Variants in EPHA6 observed in about 807,000 individuals in gnomAD.
The protein encoded by EPHA6 is EPH receptor A6.
A neutral mutation model predicts 112.0 loss-of-function variants in EPHA6; 50 were observed. The ratio of observed to expected loss-of-function variants is 0.45; its 90% CI spans 0.36 to 0.56. EPHA6 has a LOEUF of 0.56. EPHA6 is among the 20% of genes least tolerant of loss of function. The pLI is 0.00. For synonymous variants in EPHA6, 529 were observed against 490.7 expected (o/e 1.08, Z -1.03); for missense variants, 1,280 against 1,417.4 (o/e 0.90, Z 1.56).
chr3:97,099,802 T>C (rs2047350771), intron 3 of EPHA6, among the ~76,000 whole-genome samples: 1 of 151,976 alleles, frequency 6.6e-6, no homozygotes, highest in Non-Finnish European at 1.5e-5. Context: ...GTAACCTAGA[T>C]CCTGAATGAT....
intron 3 of EPHA6, among the ~76,000 whole-genome samples, chr3:97,143,502 G>T (rs2075962064): frequency 6.6e-6 from 1 of 151,764 alleles, no homozygotes; most frequent in African/African-American, 2.4e-5. Flanking sequence ...TCCAGCAAAA[G>T]TAGGAGGTTT....
chr3:97,214,046 A>G (rs1008049262), intron 3 of EPHA6, among the ~76,000 whole-genome samples: 1 of 139,384 alleles, frequency 7.2e-6, no homozygotes, highest in African/African-American at 3.1e-5. Context: ...TGTGAGAGAG[A>G]GAGAGAGAGG....
intron 5 of EPHA6, among the ~76,000 whole-genome samples, chr3:97,362,822 G>A (rs1380234795): frequency 2.0e-5 from 3 of 151,790 alleles, no homozygotes; most frequent in Admixed American, 2.0e-4. Flanking sequence ...CTGTGAAAGT[G>A]TTTATGGTCC....
intron 7 of EPHA6, among the ~76,000 whole-genome samples, chr3:97,459,464 G>A (rs554438280): frequency 6.6e-6 from 1 of 152,288 alleles, no homozygotes; most frequent in East Asian, 1.9e-4. Flanking sequence ...GGAATGGTGG[G>A]GATGATGATC....
At chr3:97,364,228 G>T (rs1461240899) in intron 5 of EPHA6, among the ~76,000 whole-genome samples, 1 of 151,938 alleles carries the variant, frequency 6.6e-6, no homozygotes, top group Non-Finnish European at 1.5e-5. Context: ...GAAAAATTAC[G>T]AGGACACAGA....
chr3:97,353,234 G>C (rs1364449953), intron 5 of EPHA6, among the ~76,000 whole-genome samples: 2 of 151,722 alleles, frequency 1.3e-5, no homozygotes, highest in African/African-American at 4.8e-5. Flanking sequence ...TGGGGCCATG[G>C]GAAGAGATTT....
intron 3 of EPHA6, among the ~76,000 whole-genome samples, chr3:97,145,751 A>G (rs1486002626): frequency 6.6e-6 from 1 of 151,634 alleles, no homozygotes; most frequent in Non-Finnish European, 1.5e-5. Flanking sequence ...AAGTTTTTTT[A>G]CTAGCTAAAA....
chr3:96,871,227 T>A (rs2107472346), intron 2 of EPHA6, among the ~76,000 whole-genome samples: 1 of 152,154 alleles, frequency 6.6e-6, no homozygotes, highest in Non-Finnish European at 1.5e-5. Flanking sequence ...AATATCCATG[T>A]TTGTAAGACA....
At chr3:97,226,143 T>C in intron 3 of EPHA6, 121 bp from the exon 4 acceptor site, 1 of 684,264 alleles carries the variant, frequency 1.5e-6, no homozygotes, top group Non-Finnish European at 2.3e-6. Flanking sequence ...GTCTTCTCTA[T>C]GTATGTGTAA....
chr3:97,449,084 G>C (rs751384302), intron 7 of EPHA6, among the ~76,000 whole-genome samples: 2 of 152,228 alleles, frequency 1.3e-5, no homozygotes, highest in Admixed American at 6.5e-5. Flanking sequence ...ATTCAGAATT[G>C]TGCAGCTTTG....
intron 3 of EPHA6, among the ~76,000 whole-genome samples, chr3:97,060,756 A>C (rs897275931): frequency 6.8e-6 from 1 of 147,326 alleles, no homozygotes; most frequent in East Asian, 2.0e-4. Context: ...CTAAAAATAC[A>C]AAAAAAAAAT....
At chr3:97,315,225 G>A (rs925779051) in intron 5 of EPHA6, among the ~76,000 whole-genome samples, 1 of 151,564 alleles carries the variant, frequency 6.6e-6, no homozygotes, top group Non-Finnish European at 1.5e-5. Context: ...CTGACACCTA[G>A]ATATAGCACA....
intron 7 of EPHA6, among the ~76,000 whole-genome samples, chr3:97,457,723 T>C (rs537611941): frequency 6.6e-6 from 1 of 152,120 alleles, no homozygotes; most frequent in East Asian, 1.9e-4. Flanking sequence ...GGACAAATGT[T>C]TATAAAATAA....
chr3:97,360,862 C>T lies in EPHA6; in HGVS notation c.1607-44288C>T, dbSNP rs1344473577. On this transcript the variant is annotated intron_variant, in intron 5 of 17. Transcript: ENST00000389672. ...CATTTATTTTGCTTGTCAACTTTTA[C>T]TATCTCCCCTCATGCATTCTATGAC... Among the ~76,000 whole-genome samples, 3 of 152,270 alleles carry T rather than the reference C, an allele frequency of 2.0e-5. No homozygotes were observed. The East Asian group carries it at 5.8e-4, about 29-fold the overall frequency.
chr3:97,321,420 A>G (rs935758331), intron 5 of EPHA6, among the ~76,000 whole-genome samples: 1 of 152,022 alleles, frequency 6.6e-6, no homozygotes, highest in Non-Finnish European at 1.5e-5. Context: ...GATGGGAGCA[A>G]TAACACATAT....
intron 3 of EPHA6, among the ~76,000 whole-genome samples, chr3:97,179,647 G>T (rs1049428615): frequency 1.3e-5 from 2 of 151,542 alleles, no homozygotes; most frequent in South Asian, 4.2e-4. Flanking sequence ...CTTGGACAAG[G>T]TCCAGGAGAA....
chr3:97,206,090 G>A (rs941178896), intron 3 of EPHA6, among the ~76,000 whole-genome samples: 26 of 151,946 alleles, frequency 1.7e-4, no homozygotes, highest in African/African-American at 5.8e-4. Context: ...TGTCTAAGCC[G>A]CACTTAAAGT....
At chr3:97,188,488 CAAAG>C (rs1356978562) in intron 3 of EPHA6, among the ~76,000 whole-genome samples, 6 of 151,620 alleles carry the variant, frequency 4.0e-5, no homozygotes, top group Non-Finnish European at 8.8e-5. Flanking sequence ...AGTAGCAAAA[CAAAG>C]AAGAGGAAAT....
intron 5 of EPHA6, among the ~76,000 whole-genome samples, chr3:97,377,167 T>C (rs1310980131): frequency 6.6e-6 from 1 of 152,184 alleles, no homozygotes; most frequent in East Asian, 1.9e-4. Flanking sequence ...CTCCCACAAT[T>C]CCCACGTGTT....
Sources: gnomAD v4.1 joint callset for allele counts (sites outside exome capture counted in the v4.1 genomes callset) on GRCh38, gnomAD v4.1.1 for gene constraint, MANE v1.5 for transcripts, NCBI Gene and HGNC (gene_info 2026-07-23, HGNC 2026-07-21) for gene names.